Variants in DYSF observed in about 807,000 individuals in gnomAD.
DYSF encodes the protein dystrophy-associated fer-1-like 1.
In DYSF, 212 loss-of-function variants were observed where a neutral mutation model predicts 274.9. The ratio of observed to expected loss-of-function variants is 0.77; its 90% CI spans 0.69 to 0.86. The LOEUF (loss-of-function observed/expected upper bound fraction) is 0.86, where lower values mean the gene tolerates loss of function less well. DYSF is among the 40% of genes least tolerant of loss of function. The pLI is 0.00. For missense variants in DYSF, 2,666 were observed against 2,783.2 expected (o/e 0.96, Z 0.95); for synonymous variants, 1,091 against 1,078.7 (o/e 1.01, Z -0.22).
rs1056597739 is a variant in DYSF at position 71,551,021 on chromosome 2, T to A, written c.1577-20T>A. On this transcript the variant is annotated intron_variant, in intron 17 of 55. Coordinates refer to ENST00000410020, the MANE Select transcript of DYSF (RefSeq NM_001130987.2). ...AGCCCCACTGGGCCGACCCCTCTGA[T>A]TGCCACTTGTGTCTCCCAGTGGATG... The A allele has an allele frequency of 5.6e-6, 9 of 1,608,738 alleles. No homozygotes were observed. Among genetic ancestry groups the A allele is most frequent in the Non-Finnish European group, 7.7e-6 (9 of 1,175,122 alleles).
chr2:71,578,926 G>A (rs746710803), intron 30 of DYSF, among the ~76,000 whole-genome samples: 4 of 152,220 alleles, frequency 2.6e-5, no homozygotes, highest in Middle Eastern at 6.3e-3. Flanking sequence ...ATCGTCTGCT[G>A]TCTCCATCCC....
chr2:71,507,083 TCC>T (rs1288605446), intron 4 of DYSF, among the ~76,000 whole-genome samples: 9 of 152,036 alleles, frequency 5.9e-5, no homozygotes, highest in Non-Finnish European at 1.5e-5. Flanking sequence ...CCTGTCTGCA[TCC>T]CGGAGAGGGC....
In DYSF at chr2:71,457,880, C is replaced by T. The variant is rs528149519; in HGVS notation, c.88+3794C>T. ...GGTGCGTATGGCAGGTGCTCCGGGA[C>T]TTCCAGGGAGGGGGTCATGTAACTG... is the stretch of plus-strand genomic sequence containing the variant. On this transcript the variant is annotated intron_variant, in intron 1 of 54. Coordinates refer to the DYSF transcript ENST00000258104. Among the ~76,000 whole-genome samples the T allele has an allele frequency of 2.0e-5, 3 of 152,304 alleles. No individual in the cohort carries two copies. The South Asian group carries it at 6.2e-4, about 32-fold the overall frequency.
Position 71,663,024 on chromosome 2 carries a change from C to CGTGTGT in DYSF, c.5004-1232_5004-1227dup, listed in dbSNP as rs757887151. On this transcript the variant is annotated intron_variant, in intron 45 of 55. Coordinates refer to ENST00000410020, the MANE Select transcript of DYSF (RefSeq NM_001130987.2). ...GTGTGTGTATATTTGTGTATGTTTA[C>CGTGTGT]GTGTGTGTGTGTGTGTGCGCGCACG... Among the ~76,000 whole-genome samples the CGTGTGT allele has an allele frequency of 2.7e-5, 4 of 147,986 alleles. No homozygotes were observed. The Admixed American group carries it at 2.9e-4, about 11-fold the overall frequency.
chr2:71,572,055 C>G (rs140507725), intron 29 of DYSF, among the ~76,000 whole-genome samples: 2 of 126,304 alleles, frequency 1.6e-5, no homozygotes, highest in Non-Finnish European at 3.2e-5. Context: ...AGATCACACC[C>G]AGCACACACA....
At chr2:71,509,488 T>C (rs1184855991) in intron 4 of DYSF, among the ~76,000 whole-genome samples, 1 of 152,216 alleles carries the variant, frequency 6.6e-6, no homozygotes, top group African/African-American at 2.4e-5. Context: ...ATATCACTGC[T>C]GTTTCTTGGT....
chr2:71,456,323 C>T (rs1328925861), intron 1 of DYSF, among the ~76,000 whole-genome samples: 1 of 152,192 alleles, frequency 6.6e-6, no homozygotes, highest in Non-Finnish European at 1.5e-5. Flanking sequence ...AATGCAGTCC[C>T]TCCCCTCCCC....
At chr2:71,458,559 C>A (rs1171708772) in intron 1 of DYSF, among the ~76,000 whole-genome samples, 1 of 152,222 alleles carries the variant, frequency 6.6e-6, no homozygotes, top group Non-Finnish European at 1.5e-5. Flanking sequence ...GTGGCCCTCA[C>A]TGGGGTACTT....
intron 17 of DYSF, among the ~76,000 whole-genome samples, chr2:71,546,899 G>A (rs1318128150): frequency 6.6e-6 from 1 of 152,232 alleles, no homozygotes; most frequent in Non-Finnish European, 1.5e-5. Context: ...GCTTCTTCAT[G>A]CATGTTCCGG....
At chr2:71,484,902 C>A (rs2083245763) in intron 3 of DYSF, among the ~76,000 whole-genome samples, 1 of 152,142 alleles carries the variant, frequency 6.6e-6, no homozygotes, top group Non-Finnish European at 1.5e-5. Flanking sequence ...AAGCTTCGAA[C>A]CTTGGGGTCC....
Position 71,520,813 on chromosome 2 carries a change from T to G in DYSF, c.1058T>G (p.Leu353Arg). 1 of 1,614,080 alleles carries G rather than the reference T, an allele frequency of 6.2e-7. No individual in the cohort carries two copies. The highest frequency in any genetic ancestry group is 8.5e-7 in the Non-Finnish European group (1 of 1,180,004). ...EPRHAYLRKW[L>R]LLSDPDDFSA... ...GGGCACGCCTATCTCAGGAAGTGGC[T>G]GCTGCTCTCAGACCCTGATGACTTC... The change falls in exon 12 of 56, where the codon CTG (leucine) becomes CGG (arginine). Residue 353 changes from leucine to arginine, a missense_variant. Physicochemically the swap from Leu to Arg is moderately radical, Grantham distance 102. This residue lies in a region of DYSF where 794 missense variants were observed against 777.1 expected (regional missense o/e 1.02). Transcript: ENST00000410020.
intron 30 of DYSF, among the ~76,000 whole-genome samples, chr2:71,583,068 A>T (rs946633358): frequency 1.9e-4 from 28 of 151,012 alleles, no homozygotes; most frequent in African/African-American, 6.8e-4. Flanking sequence ...AAAAAAAAAA[A>T]AGAGAAATTA....
chr2:71,662,920 G>T (rs368866489), intron 45 of DYSF, among the ~76,000 whole-genome samples: 1 of 144,250 alleles, frequency 6.9e-6, no homozygotes, highest in Non-Finnish European at 1.6e-5. Context: ...GTGTGTATAT[G>T]TGTGCACGTA....
At chr2:71,518,316 G>C (rs1318237682) in intron 10 of DYSF, among the ~76,000 whole-genome samples, 2 of 150,698 alleles carry the variant, frequency 1.3e-5, no homozygotes, top group Non-Finnish European at 2.9e-5. Flanking sequence ...GAGTGCAGTG[G>C]TGTGATCTCA....
intron 11 of DYSF, 89 bp downstream of exon 11, chr2:71,520,297 T>C: frequency 7.0e-7 from 1 of 1,420,958 alleles, no homozygotes. Context: ...CTGTCCCTCC[T>C]GGGGGTTTTA....
chr2:71,592,254 G>T (rs1269565490), intron 32 of DYSF, among the ~76,000 whole-genome samples: 1 of 152,178 alleles, frequency 6.6e-6, no homozygotes, highest in African/African-American at 2.4e-5. Context: ...GGGAGCCTAT[G>T]CTCCCCTCTG....
At chr2:71,555,804 C>A (rs943112202) in intron 21 of DYSF, among the ~76,000 whole-genome samples, 161 bp from the exon 22 acceptor site, 5 of 152,154 alleles carry the variant, frequency 3.3e-5, no homozygotes, top group African/African-American at 1.2e-4. Context: ...GGTTCTTGAG[C>A]CAGGATAGAC....
At chr2:71,520,130 C>A in intron 10 of DYSF, 48 bp from the exon 11 acceptor site, 1 of 1,612,518 alleles carries the variant, frequency 6.2e-7, no homozygotes, top group Non-Finnish European at 8.5e-7. Flanking sequence ...CTTTATTTAA[C>A]GCTTTGGCGG....
intron 17 of DYSF, chr2:71,549,436 G>A: frequency 6.3e-7 from 1 of 1,598,788 alleles, no homozygotes; most frequent in Non-Finnish European, 8.5e-7. Context: ...GTGGGGCCTT[G>A]GGTTTTGGCT....
Sources: gnomAD v4.1 joint callset for allele counts (sites outside exome capture counted in the v4.1 genomes callset) on GRCh38, gnomAD v4.1.1 for gene constraint, gnomAD v4.1.1 regional missense constraint, MANE v1.5 for transcripts, NCBI Gene and HGNC (gene_info 2026-07-23, HGNC 2026-07-21) for gene names.